The following IMMP2L variants were observed in gnomAD, a reference collection of about 807,000 sequenced individuals.
The protein encoded by IMMP2L is mitochondrial inner membrane protease subunit 2.
In IMMP2L, 18 loss-of-function variants were observed where a neutral mutation model predicts 19.3. The ratio of observed to expected loss-of-function variants is 0.93; its 90% CI spans 0.64 to 1.38. The LOEUF is 1.38. Ranked by LOEUF, IMMP2L falls within the 40% of genes most tolerant of loss-of-function variation. The pLI is 0.00. For missense variants in IMMP2L, 233 were observed against 218.2 expected (o/e 1.07, Z -0.43); for synonymous variants, 76 against 73.0 (o/e 1.04, Z -0.21).
At chr7:110,894,915 C>T (rs1463726208) in intron 4 of IMMP2L, among the ~76,000 whole-genome samples, 1 of 152,060 alleles carries the variant, frequency 6.6e-6, no homozygotes, top group East Asian at 1.9e-4. Flanking sequence ...TTTTCCAGTA[C>T]CATTTTTTGA....
In IMMP2L at chr7:110,777,522, T is replaced by C. The variant is rs73716405; in HGVS notation, c.408+109071A>G. 9.1e-3 allele frequency among the ~76,000 whole-genome samples: 1,380 copies of C among 152,162 alleles called. 17 individuals carry two copies. The highest frequency in any genetic ancestry group is 0.032 in the African/African-American group (1,309 of 41,554). ...AATCGAAGTTTCTTTAGCCCGTTAA[T>C]TTAATATGAATATTCTATACCAAAG... On this transcript the variant is annotated intron_variant, in intron 5 of 5. Coordinates refer to ENST00000405709, the MANE Select transcript of IMMP2L (RefSeq NM_032549.4).
chr7:110,687,735 T>G (rs2130509213), intron 5 of IMMP2L, among the ~76,000 whole-genome samples: 1 of 152,228 alleles, frequency 6.6e-6, no homozygotes, highest in South Asian at 2.1e-4. Context: ...TATTTCTTTA[T>G]GTCAATAAGC....
At chr7:111,205,139 T>C (rs1810559516) in intron 3 of IMMP2L, among the ~76,000 whole-genome samples, 1 of 152,258 alleles carries the variant, frequency 6.6e-6, no homozygotes, top group Non-Finnish European at 1.5e-5. Context: ...TGTCTTCACA[T>C]GGCAGAGGTG....
chr7:111,461,472 A>T (rs1305853161), intron 3 of IMMP2L, among the ~76,000 whole-genome samples: 1 of 152,058 alleles, frequency 6.6e-6, no homozygotes, highest in East Asian at 1.9e-4. Flanking sequence ...CTTGCTACAC[A>T]TTGCCAAGTT....
At chr7:110,754,996 T>C (rs868232456) in intron 5 of IMMP2L, among the ~76,000 whole-genome samples, 2 of 151,958 alleles carry the variant, frequency 1.3e-5, no homozygotes, top group East Asian at 3.9e-4. Context: ...CTCCAATTAG[T>C]ACATGCTTGA....
intron 5 of IMMP2L, among the ~76,000 whole-genome samples, chr7:110,879,427 A>T (rs1809416851): frequency 6.6e-6 from 1 of 152,012 alleles, no homozygotes; most frequent in Admixed American, 6.6e-5. Context: ...TTTTATACAT[A>T]AAAAGATAAA....
chr7:111,393,401 A>G (rs1193321200), intron 3 of IMMP2L, among the ~76,000 whole-genome samples: 2 of 152,114 alleles, frequency 1.3e-5, no homozygotes, highest in African/African-American at 4.8e-5. Flanking sequence ...TTTGTAAAAA[A>G]CTTGTCCCAT....
At chr7:111,322,049 TAAAG>T (rs1244918051) in intron 3 of IMMP2L, among the ~76,000 whole-genome samples, 25 of 139,600 alleles carry the variant, frequency 1.8e-4, no homozygotes, top group Admixed American at 1.7e-3. Flanking sequence ...TCACAGTACT[TAAAG>T]TACTTTCATT....
At chr7:110,874,124 C>A (rs1808822121) in intron 5 of IMMP2L, among the ~76,000 whole-genome samples, 1 of 152,088 alleles carries the variant, frequency 6.6e-6, no homozygotes, top group South Asian at 2.1e-4. Flanking sequence ...GGCTTTTAAA[C>A]AGGATTGGAG....
chr7:111,030,726 T>A (rs1470494088), intron 3 of IMMP2L, among the ~76,000 whole-genome samples: 3 of 151,924 alleles, frequency 2.0e-5, no homozygotes, highest in Admixed American at 6.6e-5. Context: ...ACCCACTGTA[T>A]TTACTATACT....
chr7:110,976,297 T>C (rs1046732425), intron 3 of IMMP2L, among the ~76,000 whole-genome samples: 8 of 152,038 alleles, frequency 5.3e-5, no homozygotes, highest in African/African-American at 1.7e-4. Context: ...ATAATACATA[T>C]ACGAAGATAT....
chr7:111,026,589 C>CA (rs1368937639), intron 3 of IMMP2L, among the ~76,000 whole-genome samples: 2 of 152,026 alleles, frequency 1.3e-5, no homozygotes, highest in African/African-American at 4.8e-5. Flanking sequence ...ATTCCAACAC[C>CA]AATGTACTTG....
intron 3 of IMMP2L, among the ~76,000 whole-genome samples, chr7:111,033,984 A>G (rs1732306547): frequency 6.6e-6 from 1 of 152,212 alleles, no homozygotes; most frequent in African/African-American, 2.4e-5. Flanking sequence ...AGTAGTTGCC[A>G]GGTGGTAGGT....
rs114273593 is a variant in IMMP2L, at chr7:111,280,784, A to C, written c.239+206454T>G. ...GTAAGAACAACAAAGAAAGGAGTGA[A>C]ATTGGCCGGGTGCGGTGGCTCAGGC... On this transcript the variant is annotated intron_variant, in intron 3 of 5. Transcript: ENST00000405709. Among the ~76,000 whole-genome samples, 1,373 of 152,146 alleles carry C rather than the reference A, an allele frequency of 9.0e-3. 27 individuals are homozygous for C. The highest frequency in any genetic ancestry group is 0.032 in the African/African-American group (1,315 of 41,548).
chr7:110,812,753 C>T (rs1802134968), intron 5 of IMMP2L, among the ~76,000 whole-genome samples: 1 of 151,982 alleles, frequency 6.6e-6, no homozygotes, highest in Non-Finnish European at 1.5e-5. Context: ...AATGAGAACT[C>T]ATAATGAGAT....
At chr7:111,074,782 G>A (rs1795245402) in intron 3 of IMMP2L, among the ~76,000 whole-genome samples, 1 of 152,142 alleles carries the variant, frequency 6.6e-6, no homozygotes, top group African/African-American at 2.4e-5. Context: ...GGCCAAGATT[G>A]CAATCACGTA....
chr7:111,183,475 T>C (rs1170064321), intron 3 of IMMP2L, among the ~76,000 whole-genome samples: 4 of 152,132 alleles, frequency 2.6e-5, no homozygotes, highest in African/African-American at 7.2e-5. Flanking sequence ...TTTTAGGCCA[T>C]AGCTTTCTTG....
chr7:110,915,501 T>C (rs1333647274), intron 4 of IMMP2L, among the ~76,000 whole-genome samples: 2 of 152,164 alleles, frequency 1.3e-5, no homozygotes, highest in African/African-American at 4.8e-5. Context: ...GGGTACAAAG[T>C]TGCAGTTATA....
Position 111,451,276 on chromosome 7 carries a change from G to A in IMMP2L, c.239+35962C>T, listed in dbSNP as rs539044642. On this transcript the variant is annotated intron_variant, in intron 3 of 5. Transcript: ENST00000405709. ...ACACATGCACACGTATGTTTATTGC[G>A]GCATTATTCACAATAGCAAAGACTT... Among the ~76,000 whole-genome samples, 10 of 149,396 alleles carry A rather than the reference G, an allele frequency of 6.7e-5. No individual in the cohort carries two copies. In the East Asian group the frequency reaches 7.8e-4, roughly 12 times the overall value.
Sources: allele counts gnomAD v4.1 joint callset (sites outside exome capture counted in the v4.1 genomes callset), GRCh38; gene constraint gnomAD v4.1.1; transcripts MANE v1.5; gene names NCBI Gene and HGNC (gene_info 2026-07-23, HGNC 2026-07-21).